PLCB1: variants seen among roughly 807,000 people sequenced by gnomAD.
PLCB1 encodes 1-phosphatidylinositol 4,5-bisphosphate phosphodiesterase beta-1.
Under a neutral mutation model 161.8 loss-of-function variants are expected in PLCB1, and 46 were observed. That is an observed-to-expected ratio of 0.28 (90% CI 0.22 to 0.36). PLCB1 has a LOEUF of 0.36. PLCB1 is among the 10% of genes least tolerant of loss of function. The probability of loss-of-function intolerance (pLI) is 1.00; values close to 1 mark genes in which losing one functional copy is unlikely to be tolerated. For missense variants in PLCB1, 1,016 were observed against 1,472.5 expected, an observed-to-expected ratio of 0.69 and a Z score of 5.07; for synonymous variants, 517 against 503.7, an observed-to-expected ratio of 1.03 and a Z score of -0.35.
intron 3 of PLCB1, among the ~76,000 whole-genome samples, chr20:8,560,560 T>C (rs940185805): frequency 7.2e-5 from 11 of 152,152 alleles, no homozygotes; most frequent in Middle Eastern, 3.4e-3. Context: ...ACGTCTAGTG[T>C]TGTTCAACTA....
chr20:8,526,893 T>C (rs539194877), intron 3 of PLCB1, among the ~76,000 whole-genome samples: 81 of 152,232 alleles, frequency 5.3e-4, no homozygotes, highest in Non-Finnish European at 8.2e-4. Flanking sequence ...AAGTCAGGTT[T>C]TCACCCCTCA....
intron 3 of PLCB1, among the ~76,000 whole-genome samples, chr20:8,560,620 C>G (rs1329858580): frequency 6.6e-6 from 1 of 151,926 alleles, no homozygotes; most frequent in East Asian, 1.9e-4. Flanking sequence ...AGGTAACATA[C>G]AATGAGTGAA....
intron 19 of PLCB1, among the ~76,000 whole-genome samples, chr20:8,735,580 C>T (rs976250655): frequency 6.6e-5 from 10 of 152,140 alleles, no homozygotes; most frequent in African/African-American, 1.7e-4. Context: ...GATGTTCTAC[C>T]GTCCTATGTT....
At position 8,765,165 on chromosome 20, in the gene PLCB1, C is replaced by T. The variant is rs766314949; in HGVS notation, c.2737C>T (p.Leu913=). ...TEVEAQTIEE[L]KQQKSFVKLQ... is the part of the protein sequence containing the mutation. ...AGTGGAAGCACAGACCATCGAAGAA[C>T]TAAAGCAACAGAAATCGTTTGTGAA... Residue 913 remains leucine (L), a synonymous_variant, in exon 26 of 32, where the codon CTA becomes TTA. Transcript: ENST00000338037. 1.2e-6 allele frequency: 2 copies of T among 1,613,720 alleles called. No homozygotes were observed. Among genetic ancestry groups the T allele is most frequent in the African/African-American group, 2.7e-5 (2 of 74,882 alleles).
chr20:8,446,266 A>C (rs1980820789), intron 3 of PLCB1, among the ~76,000 whole-genome samples: 1 of 152,238 alleles, frequency 6.6e-6, no homozygotes, highest in Non-Finnish European at 1.5e-5. Flanking sequence ...ATGCAAATCA[A>C]TAAACGTAAT....
chr20:8,743,815 CT>C lies in PLCB1; in HGVS notation c.2523+2246del, dbSNP rs1295054529. 5.3e-5 allele frequency among the ~76,000 whole-genome samples: 8 copies of C among 152,184 alleles called. No individual in the cohort carries two copies. The East Asian group carries it at 1.5e-3, about 29-fold the overall frequency. ...CTTCAGTTATAATAGTGCTTTTTCTCTTTTCCATGGCCTTTAAAAGATTAAG... is the reference window on the plus strand; with the variant it reads ...CTTCAGTTATAATAGTGCTTTTTCTCTTTCCATGGCCTTTAAAAGATTAAG... On this transcript the variant is annotated intron_variant, in intron 23 of 31. Coordinates refer to ENST00000338037, the MANE Select transcript of PLCB1 (RefSeq NM_015192.4).
At chr20:8,539,617 T>TTTCTTTCTTTCTTTCTTTCC (rs1985196177) in intron 3 of PLCB1, among the ~76,000 whole-genome samples, 1 of 55,078 alleles carries the variant, frequency 1.8e-5, no homozygotes, top group Non-Finnish European at 3.4e-5. Context: ...TTTTCTTTAT[T>TTTCTTTCTTTCTTTCTTTCC]TTCTTTCTTT....
At chr20:8,671,377 C>T (rs34161690) in intron 9 of PLCB1, among the ~76,000 whole-genome samples, 7,015 of 152,254 alleles carry the variant, frequency 0.046, 207 homozygotes, top group Non-Finnish European at 0.063. Flanking sequence ...GTTGGCATGA[C>T]AAGTTTTCTG....
At chr20:8,625,035 G>A (rs1213247119) in intron 3 of PLCB1, among the ~76,000 whole-genome samples, 3 of 152,122 alleles carry the variant, frequency 2.0e-5, no homozygotes, top group Non-Finnish European at 2.9e-5. Flanking sequence ...GAATAGGTTT[G>A]GGAGATAAGG....
At chr20:8,729,774 A>G (rs1251916604) in intron 18 of PLCB1, 6 of 151,984 alleles carry the variant, frequency 3.9e-5, no homozygotes, top group South Asian at 2.1e-4. Flanking sequence ...AGAATTACTA[A>G]CGTTAAAAGA....
At chr20:8,417,598 A>G (rs996067313) in intron 3 of PLCB1, among the ~76,000 whole-genome samples, 1 of 152,124 alleles carries the variant, frequency 6.6e-6, no homozygotes, top group African/African-American at 2.4e-5. Flanking sequence ...GGAGCTCAAG[A>G]TACAGGCAAA....
chr20:8,602,228 T>C (rs532930174), intron 3 of PLCB1, among the ~76,000 whole-genome samples: 2 of 152,260 alleles, frequency 1.3e-5, no homozygotes, highest in African/African-American at 2.4e-5. Flanking sequence ...TTTTTTTTAA[T>C]CAAAAGCAAG....
At chr20:8,498,346 C>T (rs757215534) in intron 3 of PLCB1, among the ~76,000 whole-genome samples, 5 of 152,032 alleles carry the variant, frequency 3.3e-5, no homozygotes, top group Non-Finnish European at 7.4e-5. Flanking sequence ...CTGCCTGCCT[C>T]GGCCTCCCAA....
At chr20:8,368,697 TA>T (rs946667166) in intron 2 of PLCB1, among the ~76,000 whole-genome samples, 3 of 152,144 alleles carry the variant, frequency 2.0e-5, no homozygotes, top group Admixed American at 6.5e-5. Flanking sequence ...GTTTTATAAA[TA>T]ATTATAAAGA....
At chr20:8,836,319 A>G (rs966838775) in intron 31 of PLCB1, among the ~76,000 whole-genome samples, 1 of 152,166 alleles carries the variant, frequency 6.6e-6, no homozygotes, top group African/African-American at 2.4e-5. Context: ...ATAATATGCT[A>G]ATTAATTGTA....
chr20:8,455,575 G>A (rs2122664619), intron 3 of PLCB1, among the ~76,000 whole-genome samples: 1 of 151,084 alleles, frequency 6.6e-6, no homozygotes, highest in Admixed American at 6.6e-5. Context: ...CGAGTAGCTG[G>A]GACTACCGGC....
chr20:8,836,049 G>A (rs1387126649), intron 31 of PLCB1, among the ~76,000 whole-genome samples: 1 of 94,430 alleles, frequency 1.1e-5, no homozygotes, highest in Admixed American at 1.1e-4. Context: ...GCTGGCAGCT[G>A]ACTGGCTGGC....
rs1336748658 is a variant in PLCB1, at chr20:8,370,505, C to G, written c.178-877C>G. ...CTCCTTTCCCCGCAATGTTCTCTGTCTCTAAGTGTCTAAAGGCCACGAACA... is the reference window on the plus strand; with the variant it reads ...CTCCTTTCCCCGCAATGTTCTCTGTGTCTAAGTGTCTAAAGGCCACGAACA... On this transcript the variant is annotated intron_variant, in intron 2 of 31. Coordinates refer to ENST00000338037, the MANE Select transcript of PLCB1 (RefSeq NM_015192.4). 3.9e-5 allele frequency among the ~76,000 whole-genome samples: 6 copies of G among 152,166 alleles called. No homozygotes were observed. In the East Asian group the frequency reaches 1.2e-3, roughly 29 times the overall value.
At chr20:8,528,347 G>A (rs985760352) in intron 3 of PLCB1, among the ~76,000 whole-genome samples, 2 of 152,050 alleles carry the variant, frequency 1.3e-5, no homozygotes, top group African/African-American at 4.8e-5. Context: ...TATTCATACA[G>A]TGCAGTAAAA....
Sources: allele counts gnomAD v4.1 joint callset (sites outside exome capture counted in the v4.1 genomes callset), GRCh38; gene constraint gnomAD v4.1.1; transcripts MANE v1.5; gene names NCBI Gene and HGNC (gene_info 2026-07-23, HGNC 2026-07-21).